SPEF2: variants seen among roughly 807,000 people sequenced by gnomAD.
SPEF2 encodes the protein sperm flagella and cilia-associated protein 2.
SPEF2 carries 187 observed loss-of-function variants against 224.6 expected under a neutral mutation model. The ratio of observed to expected loss-of-function variants is 0.83; its 90% CI spans 0.74 to 0.94. SPEF2 has a LOEUF of 0.94. SPEF2 is among the 40% of genes least tolerant of loss of function. The pLI is 0.00. For missense variants in SPEF2, 2,170 were observed against 2,135.6 expected (o/e 1.02, Z -0.32); for synonymous variants, 715 against 707.3 (o/e 1.01, Z -0.17).
chr5:35,750,992 T>TAC (rs75558959), intron 23 of SPEF2, among the ~76,000 whole-genome samples: 24,998 of 105,792 alleles, frequency 0.24, 4,773 homozygotes, highest in East Asian at 0.54. Context: ...GCTATATATA[T>TAC]ATATGTATAT....
intron 17 of SPEF2, among the ~76,000 whole-genome samples, chr5:35,705,136 C>A (rs1404864701): frequency 6.6e-6 from 1 of 151,880 alleles, no homozygotes; most frequent in Non-Finnish European, 1.5e-5. Flanking sequence ...ATGAAATGAA[C>A]CAGGGAAGAG....
intron 10 of SPEF2, among the ~76,000 whole-genome samples, chr5:35,687,117 G>A (rs766404361): frequency 3.2e-4 from 49 of 151,992 alleles, no homozygotes; most frequent in Non-Finnish European, 5.1e-4. Context: ...TGTTTATGTC[G>A]TTCATTCTTC....
intron 27 of SPEF2, among the ~76,000 whole-genome samples, chr5:35,772,124 T>G (rs1752945117): frequency 6.6e-6 from 1 of 152,218 alleles, no homozygotes; most frequent in Admixed American, 6.5e-5. Context: ...TATGTGTATG[T>G]TTCAGGGGCA....
intron 10 of SPEF2, among the ~76,000 whole-genome samples, chr5:35,677,468 G>C (rs1752188414): frequency 6.6e-6 from 1 of 152,124 alleles, no homozygotes; most frequent in African/African-American, 2.4e-5. Context: ...CAGTCTCAAG[G>C]GCACTTGGGG....
chr5:35,736,597 A>G (rs1322150542), intron 21 of SPEF2, among the ~76,000 whole-genome samples: 3 of 152,146 alleles, frequency 2.0e-5, no homozygotes, highest in Non-Finnish European at 4.4e-5. Flanking sequence ...TTATGCTCCA[A>G]TCACCTCCTA....
At chr5:35,662,758 G>T (rs901637291) in intron 8 of SPEF2, among the ~76,000 whole-genome samples, 15 of 152,030 alleles carry the variant, frequency 9.9e-5, no homozygotes, top group African/African-American at 3.6e-4. Flanking sequence ...TCTTATTTCT[G>T]GGTTCTCTAT....
Position 35,697,802 on chromosome 5 carries a change from T to C in SPEF2, c.2141+9T>C. The stretch of plus-strand genomic sequence containing the variant: ...ATAGTAAATGCTATTAAGTATGTAT[T>C]GCATTTTTCTTCCTCTCATCTATTT... On this transcript the variant is annotated intron_variant, in intron 15 of 36. Coordinates refer to ENST00000356031, the MANE Select transcript of SPEF2 (RefSeq NM_024867.4). The C allele has an allele frequency of 6.4e-7, 1 of 1,570,556 alleles. No individual in the cohort carries two copies. Among genetic ancestry groups the C allele is most frequent in the Non-Finnish European group, 8.7e-7 (1 of 1,143,660 alleles).
intron 10 of SPEF2, chr5:35,670,827 G>T: frequency 1.0e-6 from 1 of 980,284 alleles, no homozygotes; most frequent in Non-Finnish European, 1.2e-6. Flanking sequence ...GTTCATTAAG[G>T]GCTAATAGAT....
rs751063595 is a variant in SPEF2, at chr5:35,618,015, C to G, written c.18C>G (p.Cys6Trp). Reference protein sequence around the residue: MSEILCQWLNKELKVS... With the variant: MSEILWQWLNKELKVS... ...GCTGAACCATGTCGGAGATCCTGTG[C>G]CAGTGGCTCAACAAGGAGTTGAAGG... Residue 6 changes from cysteine (C) to tryptophan (W), a missense_variant, in exon 1 of 37, where the codon TGC (cysteine) becomes TGG (tryptophan). By Grantham distance (215) the Cys-to-Trp change is radical. Coordinates refer to ENST00000356031, the MANE Select transcript of SPEF2 (RefSeq NM_024867.4). The G allele has an allele frequency of 6.3e-7, 1 of 1,585,676 alleles. No individual in the cohort carries two copies. Among genetic ancestry groups the G allele is most frequent in the Non-Finnish European group, 8.6e-7 (1 of 1,163,262 alleles).
At chr5:35,723,891 G>A (rs1180066999) in intron 20 of SPEF2, among the ~76,000 whole-genome samples, 1 of 152,208 alleles carries the variant, frequency 6.6e-6, no homozygotes, top group Non-Finnish European at 1.5e-5. Context: ...TCATTGGAAG[G>A]TTGATGCCAC....
intron 8 of SPEF2, among the ~76,000 whole-genome samples, chr5:35,664,767 A>G (rs544091981): frequency 1.4e-5 from 2 of 141,578 alleles, no homozygotes; most frequent in Non-Finnish European, 1.5e-5. Flanking sequence ...GAAGGAGGAG[A>G]GAGAGAGAGA....
chr5:35,797,317 G>GGTGTGTCTGTGTGTGTGTGTGT (rs369368858), intron 33 of SPEF2, among the ~76,000 whole-genome samples: 2 of 142,124 alleles, frequency 1.4e-5, no homozygotes, highest in African/African-American at 5.7e-5. Context: ...ATGGCTGACG[G>GGTGTGTCTGTGTGTGTGTGTGT]GTGTGTGTGT....
chr5:35,783,826 G>A (rs1341527688), intron 30 of SPEF2, among the ~76,000 whole-genome samples: 3 of 152,108 alleles, frequency 2.0e-5, no homozygotes, highest in Non-Finnish European at 4.4e-5. Flanking sequence ...GCCTTTTTCT[G>A]ATGGAAGCAA....
intron 36 of SPEF2, 54 bp downstream of exon 36, chr5:35,807,307 C>CTAGG: frequency 6.4e-7 from 1 of 1,567,458 alleles, no homozygotes; most frequent in Non-Finnish European, 8.6e-7. Context: ...TCAGGACATG[C>CTAGG]TAGGATGTTT....
At chr5:35,618,501 T>C (rs901353495) in intron 1 of SPEF2, among the ~76,000 whole-genome samples, 1 of 152,228 alleles carries the variant, frequency 6.6e-6, no homozygotes, top group Non-Finnish European at 1.5e-5. Context: ...CGATGAAATA[T>C]GAAGCCACTG....
At chr5:35,716,788 G>C (rs1366885100) in intron 20 of SPEF2, among the ~76,000 whole-genome samples, 1 of 152,022 alleles carries the variant, frequency 6.6e-6, no homozygotes, top group Non-Finnish European at 1.5e-5. Flanking sequence ...ACCATTAATT[G>C]TTCATCTGTT....
intron 20 of SPEF2, 77 bp downstream of exon 20, chr5:35,712,963 G>A (rs1479450075): frequency 4.7e-6 from 6 of 1,286,358 alleles, no homozygotes; most frequent in Non-Finnish European, 6.6e-6. Flanking sequence ...AGCTAGATTT[G>A]TATAGTAGTA....
intron 1 of SPEF2, among the ~76,000 whole-genome samples, chr5:35,627,372 C>T (rs1744416313): frequency 6.6e-6 from 1 of 151,950 alleles, no homozygotes; most frequent in South Asian, 2.1e-4. Flanking sequence ...GAGGCCGAGT[C>T]AGGTGGATCA....
At chr5:35,803,277 A>AT (rs1266009540) in intron 34 of SPEF2, among the ~76,000 whole-genome samples, 1 of 152,196 alleles carries the variant, frequency 6.6e-6, no homozygotes, top group Non-Finnish European at 1.5e-5. Context: ...AGCTGTTGCC[A>AT]TAGCAACAGA....
Sources: allele counts gnomAD v4.1 joint callset (sites outside exome capture counted in the v4.1 genomes callset), GRCh38; gene constraint gnomAD v4.1.1; transcripts MANE v1.5; gene names NCBI Gene and HGNC (gene_info 2026-07-23, HGNC 2026-07-21).